DNAH14: variants seen among roughly 807,000 people sequenced by gnomAD.
DNAH14 encodes the protein dynein axonemal heavy chain 14, also known as axonemal beta dynein heavy chain 14.
In DNAH14, 478 loss-of-function variants were observed where a neutral mutation model predicts 520.9. The ratio of observed to expected loss-of-function variants is 0.92; its 90% confidence interval spans 0.85 to 0.99. DNAH14 has a LOEUF of 0.99. Ranked by LOEUF, DNAH14 falls within the 50% of genes least tolerant of loss-of-function variation. The pLI is 0.00. For missense variants in DNAH14, 4,831 were observed against 5,234.5 expected (o/e 0.92, Z 2.38); for synonymous variants, 1,581 against 1,757.2 (o/e 0.90, Z 2.51).
At chr1:225,159,644 G>A (rs989074968) in intron 35 of DNAH14, among the ~76,000 whole-genome samples, 159 bp downstream of exon 35, 2 of 151,914 alleles carry the variant, frequency 1.3e-5, no homozygotes, top group Non-Finnish European at 2.9e-5. Context: ...GCCCCTTGGG[G>A]AAAAAAAGAG....
intron 55 of DNAH14, among the ~76,000 whole-genome samples, chr1:225,293,797 G>A (rs1009446571): frequency 6.6e-6 from 1 of 152,056 alleles, no homozygotes; most frequent in Admixed American, 6.5e-5. Context: ...ATTTGCACTT[G>A]TACTTCTGAA....
chr1:225,095,032 G>T (rs2074823142), intron 21 of DNAH14, among the ~76,000 whole-genome samples: 1 of 152,108 alleles, frequency 6.6e-6, no homozygotes, highest in South Asian at 2.1e-4. Flanking sequence ...ATGCCAGTGA[G>T]GTTGCAGAGA....
At chr1:225,229,234 T>C (rs1231418042) in intron 41 of DNAH14, among the ~76,000 whole-genome samples, 1 of 152,150 alleles carries the variant, frequency 6.6e-6, no homozygotes, top group East Asian at 1.9e-4. Flanking sequence ...ACTTCTTTCA[T>C]CCGTCGCTCA....
chr1:225,120,331 A>G (rs1262689631), intron 26 of DNAH14, among the ~76,000 whole-genome samples: 1 of 152,216 alleles, frequency 6.6e-6, no homozygotes, highest in East Asian at 1.9e-4. Context: ...AGGGCCAGCA[A>G]AATATCTCAA....
intron 34 of DNAH14, among the ~76,000 whole-genome samples, chr1:225,154,577 CA>C (rs1012474021): frequency 2.6e-5 from 4 of 151,908 alleles, no homozygotes; most frequent in Non-Finnish European, 5.9e-5. Context: ...TTTATTATAT[CA>C]AAAATCCATG....
intron 10 of DNAH14, 148 bp from the exon 11 acceptor site, chr1:225,023,467 C>T: frequency 3.6e-6 from 2 of 562,664 alleles, no homozygotes; most frequent in Non-Finnish European, 5.8e-6. Flanking sequence ...TAGGCCTACC[C>T]TTTAAATCAT....
At chr1:225,250,538 G>T in intron 43 of DNAH14, 2 of 425,970 alleles carry the variant, frequency 4.7e-6, no homozygotes, top group South Asian at 9.5e-5. Context: ...ATATTCCCTT[G>T]GGTGAGGTAT....
chr1:225,371,629 A>AACAT lies in DNAH14; in HGVS notation c.12319-3059_12319-3058insACAT, dbSNP rs112108129. Among the ~76,000 whole-genome samples, 229 of 152,238 alleles carry AACAT rather than the reference A, an allele frequency of 1.5e-3. 1 individual carries two copies. The highest frequency in any genetic ancestry group is 5.0e-3 in the African/African-American group (208 of 41,554). ...TATTAACATTGTAAAAAGAGAAAAA[A>AACAT]CTTTTTGTTGATTATATAATTGTAC... On this transcript the variant is annotated intron_variant, in intron 77 of 85. Coordinates refer to ENST00000682510, the MANE Select transcript of DNAH14 (RefSeq NM_001367479.1).
chr1:225,341,066 C>T (rs1458878705), intron 69 of DNAH14, among the ~76,000 whole-genome samples: 1 of 151,994 alleles, frequency 6.6e-6, no homozygotes, highest in Non-Finnish European at 1.5e-5. Context: ...TTGGGTTTTC[C>T]CCAAGTATTA....
intron 27 of DNAH14, among the ~76,000 whole-genome samples, chr1:225,132,440 G>A (rs1037356480): frequency 2.6e-5 from 4 of 151,630 alleles, no homozygotes; most frequent in Non-Finnish European, 4.4e-5. Context: ...TCATCATTCA[G>A]CTCCCATTTA....
At chr1:224,985,873 A>AT (rs2125719629) in intron 8 of DNAH14, among the ~76,000 whole-genome samples, 1 of 152,050 alleles carries the variant, frequency 6.6e-6, no homozygotes, top group East Asian at 1.9e-4. Context: ...TTAAAAAAGA[A>AT]TAAAAAAAAA....
rs980195075 is a variant in DNAH14 at position 225,377,436 on chromosome 1, G to A, written c.12716G>A (p.Arg4239Lys). 7 of 1,541,138 alleles carry A rather than the reference G, an allele frequency of 4.5e-6. No homozygotes were observed. The Admixed American group carries it at 8.2e-5, about 18-fold the overall frequency. ...PKTTTANLMI[R>K]PEQSKDELVM... ...ACTACCACTGCCAACCTCATGATCA[G>A]GTAAGAACTCGCTAGGAAAAATTGT... Residue 4239 changes from arginine (R) to lysine (K), a missense_variant and splice_region_variant, in exon 79 of 86, where the codon AGA becomes AAA. Physicochemically the swap from Arg to Lys is conservative, Grantham distance 26. Transcript: ENST00000682510.
intron 8 of DNAH14, among the ~76,000 whole-genome samples, chr1:225,000,269 A>G (rs963525486): frequency 6.6e-6 from 1 of 152,094 alleles, no homozygotes; most frequent in Non-Finnish European, 1.5e-5. Flanking sequence ...TTTTTCTCCT[A>G]TGGATAAAGT....
intron 10 of DNAH14, among the ~76,000 whole-genome samples, 182 bp from the exon 11 acceptor site, chr1:225,023,433 T>C (rs757802349): frequency 6.6e-6 from 1 of 151,928 alleles, no homozygotes; most frequent in African/African-American, 2.4e-5. Flanking sequence ...TTTAGAATTC[T>C]ATTTTAATTT....
chr1:225,353,782 C>T (rs1024227043), intron 72 of DNAH14, 21 bp from the exon 73 acceptor site: 1 of 1,286,620 alleles, frequency 7.8e-7, no homozygotes, highest in Non-Finnish European at 1.1e-6. Flanking sequence ...ATGCCAGTTT[C>T]TTTCTCTAAA....
intron 36 of DNAH14, among the ~76,000 whole-genome samples, chr1:225,176,923 G>T (rs1376366338): frequency 6.6e-6 from 1 of 152,152 alleles, no homozygotes; most frequent in African/African-American, 2.4e-5. Flanking sequence ...AGAGTGGGGT[G>T]TTGCTGAAAA....
Position 225,043,915 on chromosome 1 carries a change from T to A in DNAH14, c.1844T>A (p.Ile615Lys), listed in dbSNP as rs1054578789. ...CCAGAATTTCCTACAAATCTCTTTA[T>A]AGATCCCAACAGATTGGAGTTTTCA... ...EFPEFPTNLF[I>K]DPNRLEFSVK... is the part of the protein sequence containing the mutation. Residue 615 changes from isoleucine (I) to lysine (K), a missense_variant, in exon 15 of 86, where the codon ATA becomes AAA. Transcript: ENST00000682510. 2.0e-6 allele frequency: 3 copies of A among 1,529,246 alleles called. No homozygotes were observed. The highest frequency in any genetic ancestry group is 1.8e-6 in the Non-Finnish European group (2 of 1,130,570). The allele number at this position is 1,529,246 out of a possible 1,614,324, so 94.7% of individuals were successfully genotyped here. A position where few individuals can be genotyped will look rare whatever the true frequency, so the allele number is the denominator to read the frequency against.
At chr1:225,117,824 T>A in intron 24 of DNAH14, 36 bp downstream of exon 24, 1 of 1,518,254 alleles carries the variant, frequency 6.6e-7, no homozygotes, top group Non-Finnish European at 8.9e-7. Context: ...AATATTATAT[T>A]AGCGATATTC....
At chr1:225,284,333 C>T (rs907782249) in intron 54 of DNAH14, among the ~76,000 whole-genome samples, 2 of 151,564 alleles carry the variant, frequency 1.3e-5, no homozygotes, top group African/African-American at 4.8e-5. Context: ...ATCAATATTA[C>T]AGAAATTAAA....
Sources: allele counts gnomAD v4.1 joint callset (sites outside exome capture counted in the v4.1 genomes callset), GRCh38; gene constraint gnomAD v4.1.1; transcripts MANE v1.5; gene names NCBI Gene and HGNC (gene_info 2026-07-23, HGNC 2026-07-21).